The following ARHGAP12 variants were observed in gnomAD, a reference collection of about 807,000 sequenced individuals.
ARHGAP12 encodes Rho GTPase activating protein 12.
Under a neutral mutation model 108.6 loss-of-function variants are expected in ARHGAP12, and 64 were observed. The ratio of observed to expected loss-of-function variants is 0.59; its 90% confidence interval spans 0.48 to 0.73. ARHGAP12 has a LOEUF of 0.73. ARHGAP12 is among the 30% of genes least tolerant of loss of function. The pLI is 0.00. For missense variants in ARHGAP12, 940 were observed against 1,005.9 expected (o/e 0.93, Z 0.89); for synonymous variants, 312 against 337.2 (o/e 0.93, Z 0.82).
intron 4 of ARHGAP12, among the ~76,000 whole-genome samples, chr10:31,856,911 G>GA (rs1244715359): frequency 6.6e-6 from 1 of 151,592 alleles, no homozygotes; most frequent in African/African-American, 2.4e-5. Context: ...TTCACTGCAG[G>GA]AAAAAAAACT....
chr10:31,907,484 A>G (rs1839181114), intron 3 of ARHGAP12, among the ~76,000 whole-genome samples: 1 of 151,424 alleles, frequency 6.6e-6, no homozygotes, highest in African/African-American at 2.4e-5. Context: ...TTTTTTTTTA[A>G]TTAGCTGGCT....
chr10:31,879,106 T>C (rs1046269391), intron 3 of ARHGAP12, among the ~76,000 whole-genome samples: 2 of 152,188 alleles, frequency 1.3e-5, no homozygotes, highest in Non-Finnish European at 2.9e-5. Context: ...AGGTTTAATA[T>C]CTATTTAAAA....
intron 3 of ARHGAP12, among the ~76,000 whole-genome samples, chr10:31,886,075 C>CAGA (rs1373150971): frequency 3.3e-5 from 5 of 152,258 alleles, no homozygotes; most frequent in Middle Eastern, 3.4e-3. Context: ...TTTGAGTAGT[C>CAGA]ATTCTGAGTT....
At chr10:31,848,278 G>T (rs984322306) in intron 6 of ARHGAP12, among the ~76,000 whole-genome samples, 2 of 152,160 alleles carry the variant, frequency 1.3e-5, no homozygotes, top group Admixed American at 6.5e-5. Context: ...TGCAGTAGGT[G>T]ATCTGTCCTT....
At chr10:31,831,842 A>C (rs1396720121) in intron 9 of ARHGAP12, 42 bp from the exon 10 acceptor site, 2 of 1,305,046 alleles carry the variant, frequency 1.5e-6, no homozygotes. Context: ...CACATAGACA[A>C]TGAGGTCCAA....
chr10:31,845,855 T>A (rs571649677), intron 6 of ARHGAP12, among the ~76,000 whole-genome samples: 7 of 152,320 alleles, frequency 4.6e-5, no homozygotes, highest in Middle Eastern at 3.4e-3. Flanking sequence ...TGATTTAATA[T>A]CCATTTTGCA....
intron 3 of ARHGAP12, among the ~76,000 whole-genome samples, chr10:31,881,804 G>A (rs1592329674): frequency 6.6e-6 from 1 of 151,774 alleles, no homozygotes; most frequent in African/African-American, 2.4e-5. Flanking sequence ...TTACCACAGT[G>A]TAAAATATAT....
At chr10:31,918,938 T>C (rs1223427811) in intron 1 of ARHGAP12, among the ~76,000 whole-genome samples, 1 of 152,206 alleles carries the variant, frequency 6.6e-6, no homozygotes, top group Non-Finnish European at 1.5e-5. Context: ...TGTATATCCA[T>C]GTTCACAGCA....
intron 6 of ARHGAP12, among the ~76,000 whole-genome samples, chr10:31,848,102 A>C (rs1246441115): frequency 2.0e-5 from 3 of 152,130 alleles, no homozygotes; most frequent in Non-Finnish European, 4.4e-5. Flanking sequence ...CCCTGACTAC[A>C]AGCCCATTTC....
intron 3 of ARHGAP12, among the ~76,000 whole-genome samples, chr10:31,886,214 T>C (rs1050370824): frequency 6.6e-6 from 1 of 152,196 alleles, no homozygotes; most frequent in Non-Finnish European, 1.5e-5. Context: ...TCACCTAGAT[T>C]AGCAAATTCT....
chr10:31,900,534 C>T (rs947614498), intron 3 of ARHGAP12, among the ~76,000 whole-genome samples: 1 of 152,172 alleles, frequency 6.6e-6, no homozygotes, highest in African/African-American at 2.4e-5. Context: ...AATGAGCTGT[C>T]AGGCCATGAG....
intron 9 of ARHGAP12, among the ~76,000 whole-genome samples, chr10:31,832,748 A>G (rs1408075616): frequency 2.6e-5 from 4 of 152,242 alleles, no homozygotes; most frequent in African/African-American, 4.8e-5. Flanking sequence ...TACTTTAATC[A>G]GAAAATATAC....
At chr10:31,903,587 A>G (rs1486914784) in intron 3 of ARHGAP12, among the ~76,000 whole-genome samples, 1 of 152,234 alleles carries the variant, frequency 6.6e-6, no homozygotes, top group Admixed American at 6.5e-5. Context: ...GATTCCACAT[A>G]AGGAAAAAGC....
Position 31,909,545 on chromosome 10 carries a change from G to T in ARHGAP12, c.-71-619C>A, listed in dbSNP as rs113928124. ...GTCTTTGCAGATGTAATCAAGTTAAGACAAGGTCATATTTGATTAGGGTGG... is the reference window on the plus strand; with the variant it reads ...GTCTTTGCAGATGTAATCAAGTTAATACAAGGTCATATTTGATTAGGGTGG... On this transcript the variant is annotated intron_variant, in intron 2 of 19. Coordinates refer to ENST00000344936, the MANE Select transcript of ARHGAP12 (RefSeq NM_018287.7). Among the ~76,000 whole-genome samples the T allele has an allele frequency of 6.5e-3, 997 of 152,302 alleles. 11 individuals carry two copies. Among genetic ancestry groups the T allele is most frequent in the Non-Finnish European group, 0.011 (757 of 68,024 alleles).
chr10:31,844,646 G>A (rs991937931), intron 6 of ARHGAP12, among the ~76,000 whole-genome samples: 8 of 150,764 alleles, frequency 5.3e-5, no homozygotes, highest in Non-Finnish European at 1.0e-4. Flanking sequence ...AGATGTTCCT[G>A]TCCCAGCCAT....
chr10:31,852,715 T>C (rs1411502722), intron 5 of ARHGAP12, 118 bp from the exon 6 acceptor site: 3 of 588,410 alleles, frequency 5.1e-6, no homozygotes, highest in South Asian at 4.6e-5. Context: ...TCAAGAACAT[T>C]GCAACAAAAA....
At position 31,928,464 on chromosome 10, in the gene ARHGAP12, C is replaced by G. The variant is rs961413573; in HGVS notation, c.-111+219G>C. Among the ~76,000 whole-genome samples the G allele has an allele frequency of 2.7e-5, 4 of 150,294 alleles. 1 individual carries two copies. In the East Asian group the frequency reaches 5.8e-4, roughly 22 times the overall value. ...CAATAGGCTGCGCCGGCCCCCTCCC[C>G]CTCGGCGCCTAACCCCCGCGCCCAG... is the stretch of plus-strand genomic sequence containing the variant. On this transcript the variant is annotated intron_variant, in intron 1 of 19. Transcript: ENST00000344936.
intron 3 of ARHGAP12, among the ~76,000 whole-genome samples, chr10:31,875,861 C>G (rs758933390): frequency 6.6e-6 from 1 of 152,170 alleles, no homozygotes; most frequent in Non-Finnish European, 1.5e-5. Context: ...TCTCCCCAGT[C>G]CCTGGCAACC....
intron 3 of ARHGAP12, among the ~76,000 whole-genome samples, chr10:31,866,544 C>T (rs1240692332): frequency 6.6e-6 from 1 of 151,640 alleles, no homozygotes. Flanking sequence ...AGGACAAACA[C>T]TGGGAATAAT....
Sources: gnomAD v4.1 joint callset for allele counts (sites outside exome capture counted in the v4.1 genomes callset) on GRCh38, gnomAD v4.1.1 for gene constraint, MANE v1.5 for transcripts, NCBI Gene and HGNC (gene_info 2026-07-23, HGNC 2026-07-21) for gene names.